The following TSPAN9 variants were observed in gnomAD, a reference collection of about 807,000 sequenced individuals.
TSPAN9 encodes the protein tetraspanin 9.
TSPAN9 carries 16 observed loss-of-function variants against 31.0 expected under a neutral mutation model. That is an observed-to-expected ratio of 0.52 (90% CI 0.35 to 0.78). The LOEUF (loss-of-function observed/expected upper bound fraction) is 0.78, where lower values mean the gene tolerates loss of function less well. TSPAN9 is among the 30% of genes least tolerant of loss of function. The pLI, the probability that TSPAN9 is intolerant of heterozygous loss-of-function variation, is 0.01. For missense variants in TSPAN9, 272 were observed against 312.5 expected, an observed-to-expected ratio of 0.87 and a Z score of 0.98; for synonymous variants, 145 against 121.6, an observed-to-expected ratio of 1.19 and a Z score of -1.27.
At chr12:3,094,073 G>C (rs924912903) in intron 2 of TSPAN9, among the ~76,000 whole-genome samples, 1 of 152,116 alleles carries the variant, frequency 6.6e-6, no homozygotes, top group African/African-American at 2.4e-5. Flanking sequence ...TGTTGCCCAG[G>C]CTGGTCTTGA....
At chr12:3,253,305 G>T (rs1565633081) in intron 3 of TSPAN9, among the ~76,000 whole-genome samples, 1 of 152,262 alleles carries the variant, frequency 6.6e-6, no homozygotes, top group African/African-American at 2.4e-5. Context: ...CCGGCTCAGT[G>T]AACAAAGTAA....
chr12:3,086,474 G>A (rs981907231), intron 2 of TSPAN9, among the ~76,000 whole-genome samples: 2 of 152,156 alleles, frequency 1.3e-5, no homozygotes, highest in African/African-American at 4.8e-5. Context: ...CTTTCTGAGA[G>A]TCTTGTGACC....
rs558196807 is a variant in TSPAN9, at chr12:3,077,791, C to G, written c.-85+338C>G. On this transcript the variant is annotated intron_variant, in intron 1 of 8. Transcript: ENST00000011898. Reference sequence around the variant, plus strand: ...CCGGCAAGGGTTTCCGACTGTGTGACCCCGTGCACCGCTTGGGACAGTCCA... The same window carrying G: ...CCGGCAAGGGTTTCCGACTGTGTGAGCCCGTGCACCGCTTGGGACAGTCCA... Among the ~76,000 whole-genome samples, 18 of 152,280 alleles carry G rather than the reference C, an allele frequency of 1.2e-4. No homozygotes were observed. The South Asian group carries it at 3.7e-3, about 32-fold the overall frequency.
chr12:3,269,103 G>T (rs1862613189), intron 3 of TSPAN9, among the ~76,000 whole-genome samples: 3 of 87,352 alleles, frequency 3.4e-5, no homozygotes, highest in Admixed American at 3.2e-4. Context: ...CCTGCAGCCT[G>T]CCCTCCCTGT....
chr12:3,101,213 T>C (rs1199085113), intron 2 of TSPAN9, among the ~76,000 whole-genome samples: 6 of 152,146 alleles, frequency 3.9e-5, no homozygotes, highest in Non-Finnish European at 7.3e-5. Context: ...TTCCAACATG[T>C]GTAGGATTGA....
At chr12:3,156,018 A>G (rs2098342093) in intron 2 of TSPAN9, among the ~76,000 whole-genome samples, 1 of 152,242 alleles carries the variant, frequency 6.6e-6, no homozygotes, top group African/African-American at 2.4e-5. Context: ...TTGCTAGGGA[A>G]GTAAACACCC....
intron 3 of TSPAN9, among the ~76,000 whole-genome samples, chr12:3,222,818 C>T (rs1383214110): frequency 6.6e-6 from 1 of 152,220 alleles, no homozygotes; most frequent in African/African-American, 2.4e-5. Context: ...TTAAACCACC[C>T]CCCAGGTCCC....
chr12:3,078,203 A>G (rs958155684), intron 1 of TSPAN9, among the ~76,000 whole-genome samples: 3 of 152,044 alleles, frequency 2.0e-5, no homozygotes, highest in Non-Finnish European at 4.4e-5. Context: ...CCCCTGAGCT[A>G]CCTTTTTCTC....
At chr12:3,212,565 A>G (rs986604329) in intron 3 of TSPAN9, among the ~76,000 whole-genome samples, 1 of 152,142 alleles carries the variant, frequency 6.6e-6, no homozygotes, top group African/African-American at 2.4e-5. Context: ...GAGCCACTGC[A>G]TCTAGCCTAG....
chr12:3,225,189 C>T (rs1057311529), intron 3 of TSPAN9, among the ~76,000 whole-genome samples: 12 of 152,138 alleles, frequency 7.9e-5, no homozygotes, highest in African/African-American at 2.9e-4. Flanking sequence ...CCCCCAGCCT[C>T]CAGTTGGGGG....
intron 2 of TSPAN9, among the ~76,000 whole-genome samples, chr12:3,152,242 C>A (rs1412695877): frequency 1.3e-5 from 2 of 152,220 alleles, no homozygotes; most frequent in East Asian, 3.9e-4. Flanking sequence ...CTTGCCTGGC[C>A]ACCAGGGAGG....
chr12:3,109,158 G>T (rs7485494), intron 2 of TSPAN9, among the ~76,000 whole-genome samples: 8 of 151,568 alleles, frequency 5.3e-5, no homozygotes, highest in Non-Finnish European at 1.0e-4. Context: ...GGATGGTCTC[G>T]ATCTCCTGAC....
chr12:3,198,128 CCACCACCAGCACAGGT>C (rs1473352501), intron 2 of TSPAN9, among the ~76,000 whole-genome samples: 7 of 31,446 alleles, frequency 2.2e-4, no homozygotes, highest in African/African-American at 7.2e-4. Flanking sequence ...CCAGCACAGG[CCACCACCAGCACAGGT>C]CACCACCAGC....
At chr12:3,115,317 T>G (rs2098321692) in intron 2 of TSPAN9, among the ~76,000 whole-genome samples, 1 of 152,244 alleles carries the variant, frequency 6.6e-6, no homozygotes, top group South Asian at 2.1e-4. Flanking sequence ...TTTGTTTATC[T>G]GTACCCATTC....
At chr12:3,203,210 A>G (rs1348760273) in intron 3 of TSPAN9, among the ~76,000 whole-genome samples, 2 of 150,488 alleles carry the variant, frequency 1.3e-5, no homozygotes, top group Admixed American at 6.6e-5. Context: ...TTTCTTCTCC[A>G]GGATGAGCCC....
intron 3 of TSPAN9, among the ~76,000 whole-genome samples, chr12:3,209,819 C>T (rs1339393234): frequency 2.6e-5 from 4 of 152,064 alleles, no homozygotes; most frequent in East Asian, 1.9e-4. Context: ...ATTAGCCGGG[C>T]GCGGTGGTGG....
chr12:3,251,675 G>A (rs775050137), intron 3 of TSPAN9, among the ~76,000 whole-genome samples: 3 of 152,212 alleles, frequency 2.0e-5, no homozygotes, highest in Non-Finnish European at 2.9e-5. Flanking sequence ...TTAAGGGACA[G>A]AGGGACACAC....
intron 3 of TSPAN9, among the ~76,000 whole-genome samples, chr12:3,269,529 C>T (rs1351570422): frequency 6.8e-4 from 80 of 117,132 alleles, no homozygotes; most frequent in East Asian, 8.3e-4. Flanking sequence ...GCCTGCCCTC[C>T]GTGCGTTCCT....
chr12:3,179,450 A>C (rs1350290211), intron 2 of TSPAN9, among the ~76,000 whole-genome samples: 1 of 152,162 alleles, frequency 6.6e-6, no homozygotes, highest in Non-Finnish European at 1.5e-5. Context: ...AGAGGAAGCC[A>C]CTGTCCCCCT....
Sources: allele counts gnomAD v4.1 joint callset (sites outside exome capture counted in the v4.1 genomes callset), GRCh38; gene constraint gnomAD v4.1.1; transcripts MANE v1.5; gene names NCBI Gene and HGNC (gene_info 2026-07-23, HGNC 2026-07-21).